PTPN14: variants seen among roughly 807,000 people sequenced by gnomAD.
PTPN14 encodes the protein tyrosine-protein phosphatase non-receptor type 14.
PTPN14 carries 53 observed loss-of-function variants against 126.8 expected under a neutral mutation model. The observed-to-expected ratio is 0.42, with a 90% CI of 0.34 to 0.53. The LOEUF (loss-of-function observed/expected upper bound fraction) is 0.53, where lower values mean the gene tolerates loss of function less well. Among genes scored for constraint, PTPN14 ranks in the 20% least tolerant of loss-of-function variants. The pLI, the probability that PTPN14 is intolerant of heterozygous loss-of-function variation, is 0.08. For missense variants in PTPN14, 1,257 were observed against 1,552.9 expected, an observed-to-expected ratio of 0.81 and a Z score of 3.20; for synonymous variants, 630 against 599.3, an observed-to-expected ratio of 1.05 and a Z score of -0.75.
At chr1:214,534,943 G>A (rs1655665462) in intron 1 of PTPN14, among the ~76,000 whole-genome samples, 1 of 152,010 alleles carries the variant, frequency 6.6e-6, no homozygotes. Context: ...AGCTTTCAAT[G>A]ACGTTACATG....
At chr1:214,491,369 G>C (rs910373318) in intron 1 of PTPN14, among the ~76,000 whole-genome samples, 1 of 152,162 alleles carries the variant, frequency 6.6e-6, no homozygotes, top group African/African-American at 2.4e-5. Context: ...TTCACTGGTC[G>C]ATAAAGCAGA....
rs1358170842 is a variant in PTPN14 at position 214,549,350 on chromosome 1, T to TA, written c.-155+1832_-155+1833insT. On this transcript the variant is annotated intron_variant, in intron 1 of 18. Coordinates refer to ENST00000366956, the MANE Select transcript of PTPN14 (RefSeq NM_005401.5). ...TACAAAAATGTGCAAGATAGTGTTT[T>TA]CTATTTTCATAAAGTTTCAGAGAAA... Among the ~76,000 whole-genome samples the TA allele has an allele frequency of 3.9e-5, 6 of 152,352 alleles. No homozygotes were observed. In the East Asian group the frequency reaches 1.2e-3, roughly 29 times the overall value.
intron 1 of PTPN14, among the ~76,000 whole-genome samples, chr1:214,512,687 T>TA (rs1209576747): frequency 2.6e-5 from 4 of 152,166 alleles, no homozygotes; most frequent in African/African-American, 4.8e-5. Flanking sequence ...TTTTAGATGC[T>TA]AAAAAAATAC....
intron 1 of PTPN14, among the ~76,000 whole-genome samples, chr1:214,507,701 G>A (rs1654875663): frequency 6.6e-6 from 1 of 152,138 alleles, no homozygotes; most frequent in East Asian, 1.9e-4. Flanking sequence ...CCATACCACT[G>A]CGATAAAACG....
Position 214,551,274 on chromosome 1 carries a change from A to G in PTPN14, c.-246T>C, listed in dbSNP as rs1221153100. The G allele has an allele frequency of 1.3e-5, 2 of 152,504 alleles. No homozygotes were observed. Among genetic ancestry groups the G allele is most frequent in the Non-Finnish European group, 2.9e-5 (2 of 68,266 alleles). The allele number at this position is 152,504 out of a possible 1,614,324, so 9.4% of individuals were successfully genotyped here. On this transcript the variant is annotated 5_prime_UTR_variant, in exon 1 of 19. Transcript: ENST00000366956. ...GCCGATTCCCCACGGAATTGATTCC[A>G]GTGACTGGCGGAGGAGGGGCGAAGG...
chr1:214,528,927 T>A (rs1468584465), intron 1 of PTPN14: 2 of 146,652 alleles, frequency 1.4e-5, no homozygotes, highest in African/African-American at 5.1e-5. Context: ...CAAGACTCCA[T>A]CTCAAAAAAA....
At chr1:214,402,677 G>GGAA (rs2102566301) in intron 6 of PTPN14, among the ~76,000 whole-genome samples, 1 of 145,100 alleles carries the variant, frequency 6.9e-6, no homozygotes, top group Non-Finnish European at 1.5e-5. Context: ...AAGGAAGGAA[G>GGAA]GGAGGGAGGG....
intron 1 of PTPN14, among the ~76,000 whole-genome samples, chr1:214,502,787 T>A (rs1654739542): frequency 6.6e-6 from 1 of 152,194 alleles, no homozygotes; most frequent in African/African-American, 2.4e-5. Context: ...CGCAATAATG[T>A]TAAAAATAAC....
intron 3 of PTPN14, among the ~76,000 whole-genome samples, chr1:214,425,446 A>C (rs1292027345): frequency 6.6e-6 from 1 of 152,194 alleles, no homozygotes. Flanking sequence ...TTGTAACTCT[A>C]ACATGGTACT....
intron 1 of PTPN14, among the ~76,000 whole-genome samples, chr1:214,488,038 C>T (rs1390638403): frequency 6.6e-6 from 1 of 152,176 alleles, no homozygotes; most frequent in East Asian, 1.9e-4. Flanking sequence ...AGCCATTCAG[C>T]CCAAAGACCT....
intron 3 of PTPN14, among the ~76,000 whole-genome samples, chr1:214,447,986 A>T (rs1474990205): frequency 6.6e-6 from 1 of 152,216 alleles, no homozygotes; most frequent in African/African-American, 2.4e-5. Context: ...TTCTAAAGAA[A>T]AAAGAAAAGT....
At chr1:214,389,855 T>C (rs748422194) in intron 11 of PTPN14, among the ~76,000 whole-genome samples, 1 of 152,206 alleles carries the variant, frequency 6.6e-6, no homozygotes, top group Non-Finnish European at 1.5e-5. Context: ...AACAAATCTA[T>C]TGGTACTCGG....
intron 3 of PTPN14, among the ~76,000 whole-genome samples, chr1:214,443,940 G>T (rs1464934110): frequency 1.3e-5 from 2 of 152,212 alleles, no homozygotes; most frequent in Non-Finnish European, 2.9e-5. Flanking sequence ...CAAATACACG[G>T]AAATGAAATA....
At chr1:214,385,234 C>T (rs187179802) in intron 12 of PTPN14, among the ~76,000 whole-genome samples, 31 of 152,212 alleles carry the variant, frequency 2.0e-4, no homozygotes, top group Non-Finnish European at 3.7e-4. Flanking sequence ...CTCTTCCTGA[C>T]GGCAATGGAA....
chr1:214,478,629 C>T lies in PTPN14; in HGVS notation c.-154-13672G>A, dbSNP rs542600110. ...TGTAAGAAAATTTGGAAGAAGGGTT[C>T]CTTCAGTAGAACACTCATGATTCAT... On this transcript the variant is annotated intron_variant, in intron 1 of 18. Coordinates refer to ENST00000366956, the MANE Select transcript of PTPN14 (RefSeq NM_005401.5). 1.4e-4 allele frequency among the ~76,000 whole-genome samples: 21 copies of T among 152,318 alleles called. 1 individual carries two copies. Among genetic ancestry groups the T allele is most frequent in the Admixed American group, 7.2e-4 (11 of 15,302 alleles).
chr1:214,388,399 C>T (rs535109292), intron 11 of PTPN14, among the ~76,000 whole-genome samples: 28 of 151,862 alleles, frequency 1.8e-4, no homozygotes, highest in Non-Finnish European at 3.8e-4. Context: ...TCTCATATTT[C>T]TTTTTTCTTT....
intron 1 of PTPN14, among the ~76,000 whole-genome samples, chr1:214,487,687 G>C (rs1012253291): frequency 6.6e-6 from 1 of 151,702 alleles, no homozygotes; most frequent in Non-Finnish European, 1.5e-5. Flanking sequence ...GGGCAAAAAA[G>C]CTCCATCAAT....
intron 11 of PTPN14, among the ~76,000 whole-genome samples, chr1:214,388,011 C>A (rs1658662861): frequency 1.3e-5 from 2 of 152,158 alleles, no homozygotes; most frequent in South Asian, 4.1e-4. Flanking sequence ...CACCGCAGTG[C>A]AGAATCTTCC....
In PTPN14 at chr1:214,508,690, C is replaced by G. The variant is rs532878379; in HGVS notation, c.-155+42493G>C. On this transcript the variant is annotated intron_variant, in intron 1 of 18. Transcript: ENST00000366956. ...ATCCATTCCAGGTTTGCAATTTACTCTGCCCAGATCCATCACAGGAAACAC... is the reference window on the plus strand; with the variant it reads ...ATCCATTCCAGGTTTGCAATTTACTGTGCCCAGATCCATCACAGGAAACAC... 1.4e-4 allele frequency among the ~76,000 whole-genome samples: 21 copies of G among 152,284 alleles called. No homozygotes were observed. In the East Asian group the frequency reaches 3.7e-3, roughly 27 times the overall value.
Sources: allele counts gnomAD v4.1 joint callset (sites outside exome capture counted in the v4.1 genomes callset), GRCh38; gene constraint gnomAD v4.1.1; transcripts MANE v1.5; gene names NCBI Gene and HGNC (gene_info 2026-07-23, HGNC 2026-07-21).